The following HSD17B12 variants were observed in gnomAD, a reference collection of about 807,000 sequenced individuals.
HSD17B12 encodes very-long-chain 3-oxoacyl-CoA reductase.
HSD17B12 carries 32 observed loss-of-function variants against 39.3 expected under a neutral mutation model. The observed-to-expected ratio is 0.81, with a 90% CI of 0.61 to 1.09. The LOEUF (loss-of-function observed/expected upper bound fraction) is 1.09. Among genes scored for constraint, HSD17B12 ranks in the 50% least tolerant of loss-of-function variants. The probability of loss-of-function intolerance (pLI) is 0.00; values close to 1 mark genes in which losing one functional copy is unlikely to be tolerated. For missense variants in HSD17B12, 342 were observed against 382.9 expected (o/e 0.89, Z 0.89); for synonymous variants, 150 against 146.7 (o/e 1.02, Z -0.16).
chr11:43,688,172 A>G (rs1199238051), intron 1 of HSD17B12, among the ~76,000 whole-genome samples: 1 of 152,002 alleles, frequency 6.6e-6, no homozygotes, highest in African/African-American at 2.4e-5. Flanking sequence ...AGATTGCACC[A>G]CTGCGCTCCA....
intron 2 of HSD17B12, among the ~76,000 whole-genome samples, chr11:43,751,550 A>T (rs1438956684): frequency 6.6e-6 from 1 of 152,128 alleles, no homozygotes; most frequent in East Asian, 1.9e-4. Context: ...AGTGATCTGG[A>T]ACAGTGGGGT....
chr11:43,678,632 C>A (rs1369067029), upstream of HSD17B12, among the ~76,000 whole-genome samples: 2 of 152,030 alleles, frequency 1.3e-5, no homozygotes, highest in Admixed American at 1.3e-4. Context: ...GGAAGGGATC[C>A]AGTTTCAGCT....
rs117628445 is a variant in HSD17B12 at position 43,716,563 on chromosome 11, G to A, written c.161-34348G>A. Among the ~76,000 whole-genome samples the A allele has an allele frequency of 3.6e-3, 542 of 151,796 alleles. 3 individuals are homozygous for A. Among genetic ancestry groups the A allele is most frequent in the East Asian group, 0.034 (177 of 5,174 alleles). On this transcript the variant is annotated intron_variant, in intron 1 of 10. Transcript: ENST00000278353. ...CTCATTCATTTCGCAAACCCTTATT[G>A]ATCACTTACTATTGATCACCTTGCT...
At chr11:43,707,180 T>C (rs2862962) in intron 1 of HSD17B12, among the ~76,000 whole-genome samples, 135,586 of 152,296 alleles carry the variant, frequency 0.89, 60,874 homozygotes, top group East Asian at 0.98. Flanking sequence ...TGCCTAGGGG[T>C]GTAGCAGTGA....
chr11:43,634,934 G>T, the HSD17B12 span, among the ~76,000 whole-genome samples: 1 of 152,172 alleles, frequency 6.6e-6, no homozygotes, highest in Non-Finnish European at 1.5e-5. Flanking sequence ...TATGGCCTGG[G>T]TATTAGAGAA....
the HSD17B12 span, among the ~76,000 whole-genome samples, chr11:43,557,205 C>T: frequency 2.6e-5 from 4 of 152,028 alleles, no homozygotes; most frequent in South Asian, 2.1e-4. Flanking sequence ...GGGTAGGGGA[C>T]GCCGTCTTGG....
At chr11:43,697,728 GGAA>G (rs2134799429) in intron 1 of HSD17B12, among the ~76,000 whole-genome samples, 1 of 152,300 alleles carries the variant, frequency 6.6e-6, no homozygotes, top group South Asian at 2.1e-4. Flanking sequence ...AAGACCTTGA[GGAA>G]ACTGAGACCA....
chr11:43,731,799 A>C (rs758297887), intron 1 of HSD17B12, among the ~76,000 whole-genome samples: 3 of 152,096 alleles, frequency 2.0e-5, no homozygotes, highest in Non-Finnish European at 4.4e-5. Context: ...ATATTCATGG[A>C]AGGAGAAAAT....
intron 3 of HSD17B12, among the ~76,000 whole-genome samples, chr11:43,778,247 A>C (rs1441869222): frequency 2.0e-5 from 3 of 152,222 alleles, no homozygotes; most frequent in African/African-American, 2.4e-5. Flanking sequence ...GAAATGGATA[A>C]ATTCCTCGAC....
chr11:43,767,000 T>C (rs1375440304), intron 3 of HSD17B12, among the ~76,000 whole-genome samples: 1 of 152,202 alleles, frequency 6.6e-6, no homozygotes, highest in Non-Finnish European at 1.5e-5. Context: ...CCAGCTAAAT[T>C]AGCATGTGTT....
chr11:43,590,352 T>C, the HSD17B12 span, among the ~76,000 whole-genome samples: 1 of 150,738 alleles, frequency 6.6e-6, no homozygotes, highest in African/African-American at 2.4e-5. Flanking sequence ...ACCTTAAAAT[T>C]TTAATACCTC....
intron 3 of HSD17B12, among the ~76,000 whole-genome samples, chr11:43,768,748 A>G (rs955796565): frequency 2.0e-5 from 3 of 152,222 alleles, no homozygotes; most frequent in Non-Finnish European, 2.9e-5. Context: ...TCCACAGCAC[A>G]GAAGGAGACC....
the HSD17B12 span, among the ~76,000 whole-genome samples, chr11:43,563,283 G>A: frequency 8.4e-3 from 1,278 of 152,286 alleles, 20 homozygotes; most frequent in African/African-American, 0.03. Context: ...GTCCAGAGAT[G>A]AGAGAGGCTT....
At chr11:43,697,508 T>C (rs1949923231) in intron 1 of HSD17B12, among the ~76,000 whole-genome samples, 1 of 152,202 alleles carries the variant, frequency 6.6e-6, no homozygotes, top group Non-Finnish European at 1.5e-5. Flanking sequence ...ATCTCTGTTT[T>C]AGTAAAAGAG....
intron 7 of HSD17B12, among the ~76,000 whole-genome samples, chr11:43,832,255 C>T (rs931317580): frequency 6.6e-6 from 1 of 152,052 alleles, no homozygotes; most frequent in South Asian, 2.1e-4. Context: ...TAAATTTGGG[C>T]CATCACCTTA....
At chr11:43,579,876 TGC>T in the HSD17B12 span, among the ~76,000 whole-genome samples, 31 of 151,666 alleles carry the variant, frequency 2.0e-4, no homozygotes, top group Middle Eastern at 3.4e-3. Flanking sequence ...GGAGTGTGTG[TGC>T]GCGCGCGCGC....
At chr11:43,579,588 G>C in the HSD17B12 span, 1 of 152,180 alleles carries the variant, frequency 6.6e-6, no homozygotes, top group Non-Finnish European at 1.5e-5. Context: ...TCGGCTCACG[G>C]GTAGTCTGAG....
chr11:43,783,544 C>T (rs1311568884), intron 3 of HSD17B12, among the ~76,000 whole-genome samples: 2 of 151,868 alleles, frequency 1.3e-5, no homozygotes, highest in African/African-American at 2.4e-5. Context: ...GGTATTTCTC[C>T]TAATGCTATC....
intron 1 of HSD17B12, among the ~76,000 whole-genome samples, chr11:43,689,827 GTGTGAGCCACCGCACCCGGCC>G (rs1949835968): frequency 1.3e-5 from 2 of 152,122 alleles, no homozygotes; most frequent in African/African-American, 4.8e-5. Flanking sequence ...GGGATTACAG[GTGTGAGCCACCGCACCCGGCC>G]TGAACAAGGC....
Sources: gnomAD v4.1 joint callset for allele counts (sites outside exome capture counted in the v4.1 genomes callset) on GRCh38, gnomAD v4.1.1 for gene constraint, MANE v1.5 for transcripts, NCBI Gene and HGNC (gene_info 2026-07-23, HGNC 2026-07-21) for gene names.